The following PAX2 variants were observed in gnomAD, a reference collection of about 807,000 sequenced individuals.
The protein encoded by PAX2 is paired box protein Pax-2.
A neutral mutation model predicts 41.7 loss-of-function variants in PAX2; 9 were observed. The observed-to-expected ratio is 0.22, with a 90% CI of 0.13 to 0.38. The LOEUF is 0.38. Ranked by LOEUF, PAX2 falls within the 10% of genes least tolerant of loss-of-function variation. The probability of loss-of-function intolerance (pLI) is 1.00; values close to 1 mark genes in which losing one functional copy is unlikely to be tolerated. For synonymous variants in PAX2, 221 were observed against 212.7 expected, an observed-to-expected ratio of 1.04 and a Z score of -0.34; for missense variants, 418 against 531.6, an observed-to-expected ratio of 0.79 and a Z score of 2.10.
At chr10:100,814,525 G>A (rs7908173) in intron 7 of PAX2, among the ~76,000 whole-genome samples, 1,614 of 152,322 alleles carry the variant, frequency 0.011, 31 homozygotes, top group African/African-American at 0.037. Flanking sequence ...GGTCCAGGAG[G>A]CATGGAAAGA....
At chr10:100,738,673 A>C (rs1232631973) in intron 1 of PAX2, among the ~76,000 whole-genome samples, 26 of 152,328 alleles carry the variant, frequency 1.7e-4, no homozygotes, top group Admixed American at 1.6e-3. Context: ...GTCTAGACCT[A>C]GCGGAGCGAA....
chr10:100,829,639 T>G lies in PAX2; in HGVS notation c.*2020T>G, dbSNP rs1240097456. 1.5e-5 allele frequency: 3 copies of G among 204,854 alleles called. No homozygotes were observed. The highest frequency in any genetic ancestry group is 4.6e-5 in the African/African-American group (2 of 43,686). The allele number at this position is 204,854 out of a possible 1,614,324, so 12.7% of individuals were successfully genotyped here. On this transcript the variant is annotated 3_prime_UTR_variant, in exon 10 of 10. Transcript: ENST00000355243. ...GATCTCTCTCCCCTGCGAGCCCTTT[T>G]TATTTGAGAAGGAAAAAGAGAAAAG...
In PAX2 at chr10:100,748,329, C is replaced by T. The variant is rs1028664618; in HGVS notation, c.44-1417C>T. On this transcript the variant is annotated intron_variant, in intron 1 of 9. Coordinates refer to ENST00000355243, the MANE Select transcript of PAX2 (RefSeq NM_000278.5). The surrounding 1 kb of genome is among the most constrained non-coding windows in gnomAD (Gnocchi z 5.0). ...GTGGGGCTAGAGATAGGGAGATTAA[C>T]GGGGTGGGCAAGGGGGTAAAAGAAG... The T allele has an allele frequency of 4.1e-6, 4 of 983,646 alleles. No homozygotes were observed. Among genetic ancestry groups the T allele is most frequent in the East Asian group, 1.1e-4 (1 of 8,734 alleles). The allele number at this position is 983,646 out of a possible 1,614,324, so 60.9% of individuals were successfully genotyped here. A position where few individuals can be genotyped will look rare whatever the true frequency, so the allele number is the denominator to read the frequency against.
chr10:100,744,100 C>T (rs1434312497), upstream of PAX2, among the ~76,000 whole-genome samples: 3 of 152,226 alleles, frequency 2.0e-5, no homozygotes, highest in Non-Finnish European at 4.4e-5. Flanking sequence ...GTACAAGACG[C>T]CCAGTAGTAG....
chr10:100,761,568 G>A lies in PAX2; in HGVS notation c.410+10677G>A, dbSNP rs961719319. ...CATCCGAATGTGATAAATGCTAACT[G>A]AGCATTAATCGCATTAAAGAGGGCC... is the stretch of plus-strand genomic sequence containing the variant. On this transcript the variant is annotated intron_variant, in intron 3 of 9. Transcript: ENST00000355243. Among the ~76,000 whole-genome samples, 3 of 152,238 alleles carry A rather than the reference G, an allele frequency of 2.0e-5. No individual in the cohort carries two copies. The South Asian group carries it at 6.2e-4, about 32-fold the overall frequency.
At chr10:100,818,261 C>G (rs901001799) in intron 7 of PAX2, among the ~76,000 whole-genome samples, 6 of 152,202 alleles carry the variant, frequency 3.9e-5, no homozygotes, top group African/African-American at 1.2e-4. Flanking sequence ...CTATATAAAT[C>G]TATGTCTAAT....
At chr10:100,789,768 A>G (rs58744367) in intron 5 of PAX2, among the ~76,000 whole-genome samples, 237 of 152,350 alleles carry the variant, frequency 1.6e-3, no homozygotes, top group African/African-American at 5.6e-3. Context: ...AACCAAGGAA[A>G]TTAAACTGTT....
chr10:100,736,804 G>A (rs1358941665), intron 1 of PAX2, among the ~76,000 whole-genome samples: 5 of 152,158 alleles, frequency 3.3e-5, no homozygotes, highest in Admixed American at 2.6e-4. Flanking sequence ...CTGCACCAGA[G>A]GTTTAAGTAG....
chr10:100,806,345 C>T (rs1847779726), intron 5 of PAX2, 85 bp from the exon 6 acceptor site: 1 of 1,421,660 alleles, frequency 7.0e-7, no homozygotes, highest in African/African-American at 1.4e-5. Context: ...GGGCCCGGAA[C>T]CAGATGCCCA....
At chr10:100,822,532 G>A (rs947435813) in intron 7 of PAX2, among the ~76,000 whole-genome samples, 2 of 152,184 alleles carry the variant, frequency 1.3e-5, no homozygotes, top group African/African-American at 4.8e-5. Flanking sequence ...GCAGAAGACA[G>A]GGTCCTGCCC....
intron 3 of PAX2, among the ~76,000 whole-genome samples, chr10:100,760,693 T>A (rs1845808976): frequency 6.6e-6 from 1 of 152,186 alleles, no homozygotes; most frequent in South Asian, 2.1e-4. Flanking sequence ...ATTTGCAAAG[T>A]GGATACCACT....
intron 5 of PAX2, among the ~76,000 whole-genome samples, chr10:100,786,250 C>A (rs912159807): frequency 6.6e-6 from 1 of 152,178 alleles, no homozygotes; most frequent in African/African-American, 2.4e-5. Context: ...ATTGGGAGAA[C>A]GTTTGTCCAT....
intron 3 of PAX2, among the ~76,000 whole-genome samples, chr10:100,767,213 C>T (rs994388374): frequency 2.6e-5 from 4 of 152,140 alleles, no homozygotes; most frequent in Admixed American, 6.5e-5. Context: ...GAGCCAATAG[C>T]GCAGCACCCA....
intron 7 of PAX2, among the ~76,000 whole-genome samples, chr10:100,820,146 C>T (rs754921981): frequency 7.2e-5 from 11 of 152,182 alleles, no homozygotes; most frequent in Non-Finnish European, 7.3e-5. Context: ...CTTTTGGCAT[C>T]GGGATTTTAT....
Position 100,824,677 on chromosome 10 carries a change from G to C in PAX2, c.949G>C (p.Gly317Arg). Residue 317 changes from glycine (G) to arginine (R), a missense_variant, in exon 8 of 10, where the codon GGT (glycine) becomes CGT (arginine). By Grantham distance (125) the Gly-to-Arg change is moderately radical (BLOSUM62 -2). Transcript: ENST00000355243. This position sits in a 1 kb window ranked among gnomAD's most constrained non-coding sequence, Gnocchi z 6.6. ...TGACATGGCGAGCACCACTCTGCCT[G>C]GTTACCCCCCTCACGTGCCCCCCAC... ...GRDMASTTLP[G>R]YPPHVPPTGQ... 6.2e-7 allele frequency: 1 copy of C among 1,610,342 alleles called. No individual in the cohort carries two copies. The highest frequency in any genetic ancestry group is 8.5e-7 in the Non-Finnish European group (1 of 1,176,584).
chr10:100,758,723 C>G lies in PAX2; in HGVS notation c.410+7832C>G, dbSNP rs973192242. Among the ~76,000 whole-genome samples, 10 of 152,298 alleles carry G rather than the reference C, an allele frequency of 6.6e-5. No individual in the cohort carries two copies. In the South Asian group the frequency reaches 1.9e-3, roughly 28 times the overall value. On this transcript the variant is annotated intron_variant, in intron 3 of 9. Transcript: ENST00000355243. ...GGATTTTAAAAAACTCTCTGCTGAC[C>G]GAATAAAACTCAACTTTGGGCCTGA...
intron 5 of PAX2, among the ~76,000 whole-genome samples, chr10:100,797,117 C>T (rs535525584): frequency 6.6e-6 from 1 of 152,280 alleles, no homozygotes; most frequent in African/African-American, 2.4e-5. Context: ...GAATTCTTGT[C>T]AACAAATCAG....
chr10:100,824,665 A>T lies in PAX2; in HGVS notation c.937A>T (p.Thr313Ser). 2 of 1,608,998 alleles carry T rather than the reference A, an allele frequency of 1.2e-6. No homozygotes were observed. The highest frequency in any genetic ancestry group is 1.1e-5 in the South Asian group (1 of 90,964). Residue 313 changes from threonine (T) to serine (S), a missense_variant, in exon 8 of 10, where the codon ACC (threonine) becomes TCC (serine). Coordinates refer to ENST00000355243, the MANE Select transcript of PAX2 (RefSeq NM_000278.5). This position sits in a 1 kb window ranked among gnomAD's most constrained non-coding sequence, Gnocchi z 6.6. ...PVVTGRDMAS[T>S]TLPGYPPHVP... ...TTTTCCAGGTCGTGACATGGCGAGC[A>T]CCACTCTGCCTGGTTACCCCCCTCA... is the stretch of plus-strand genomic sequence containing the variant.
In PAX2 at chr10:100,827,117, C is replaced by A. The variant is rs755240343; in HGVS notation, c.1108+22C>A. 1.5e-5 allele frequency: 24 copies of A among 1,591,874 alleles called. No individual in the cohort carries two copies. The highest frequency in any genetic ancestry group is 1.7e-4 in the Middle Eastern group (1 of 6,038). ...CTAAGTGAGTACGCCACCTGGCTGG[C>A]CGGCGGCTCAGCGCGGCCGCGCGGC... is the stretch of plus-strand genomic sequence containing the variant. On this transcript the variant is annotated intron_variant, in intron 9 of 9. Coordinates refer to ENST00000355243, the MANE Select transcript of PAX2 (RefSeq NM_000278.5). The surrounding 1 kb of genome is among the most constrained non-coding windows in gnomAD (Gnocchi z 8.5).
Sources: gnomAD v4.1 joint callset for allele counts (sites outside exome capture counted in the v4.1 genomes callset) on GRCh38, gnomAD v4.1.1 for gene constraint, Gnocchi (gnomAD v3.1) non-coding constraint, MANE v1.5 for transcripts, NCBI Gene and HGNC (gene_info 2026-07-23, HGNC 2026-07-21) for gene names.